The following NBEA variants were observed in gnomAD, a reference collection of about 807,000 sequenced individuals.
The protein encoded by NBEA is lysosomal-trafficking regulator 2.
NBEA carries 44 observed loss-of-function variants against 343.4 expected under a neutral mutation model. The ratio of observed to expected loss-of-function variants is 0.13; its 90% CI spans 0.10 to 0.16. The LOEUF (loss-of-function observed/expected upper bound fraction) is 0.16. Among genes scored for constraint, NBEA ranks in the 10% least tolerant of loss-of-function variants. The pLI is 1.00. For synonymous variants in NBEA, 1,175 were observed against 1,238.7 expected, an observed-to-expected ratio of 0.95 and a Z score of 1.08; for missense variants, 2,555 against 3,631.3, an observed-to-expected ratio of 0.70 and a Z score of 7.62.
Position 35,472,530 on chromosome 13 carries a change from C to A in NBEA, c.6579C>A (p.Asp2193Glu). Residue 2193 changes from aspartate to glutamate, a missense_variant, in exon 41 of 59, where the codon GAC (aspartate) becomes GAA (glutamate). Physicochemically the swap from Asp to Glu is conservative, Grantham distance 45. Coordinates refer to ENST00000379939, the MANE Select transcript of NBEA (RefSeq NM_001385012.1). ...DEDDSAFKKIDTKVLAYTEGL... is the reference protein window; with the variant it reads ...DEDDSAFKKIETKVLAYTEGL... ...ATGATTCTGCCTTCAAGAAGATCGA[C>A]ACGAAAGTGAGTTAAAGCGATTCCA... The A allele has an allele frequency of 6.2e-7, 1 of 1,614,014 alleles. No homozygotes were observed. Among genetic ancestry groups the A allele is most frequent in the Non-Finnish European group, 8.5e-7 (1 of 1,179,888 alleles).
chr13:35,458,185 T>C (rs770993926), intron 40 of NBEA, among the ~76,000 whole-genome samples: 3 of 152,232 alleles, frequency 2.0e-5, no homozygotes, highest in Non-Finnish European at 4.4e-5. Flanking sequence ...ATCAGCGGCA[T>C]GTGAGGGTTT....
intron 38 of NBEA, among the ~76,000 whole-genome samples, chr13:35,401,092 G>A (rs376806309): frequency 9.2e-5 from 14 of 151,660 alleles, no homozygotes; most frequent in African/African-American, 2.9e-4. Context: ...TTATCTATTT[G>A]TTCTCCTTTC....
chr13:35,315,707 C>G (rs909694037), intron 36 of NBEA, among the ~76,000 whole-genome samples: 4 of 151,868 alleles, frequency 2.6e-5, no homozygotes, highest in Non-Finnish European at 5.9e-5. Context: ...TTTGTTTTGT[C>G]CTTTAGAATA....
chr13:35,347,938 G>A (rs1451652392), intron 36 of NBEA, among the ~76,000 whole-genome samples: 1 of 151,994 alleles, frequency 6.6e-6, no homozygotes, highest in Non-Finnish European at 1.5e-5. Context: ...TCTCAGGGGA[G>A]CAACAGACTC....
At chr13:35,072,288 G>A (rs2063905818) in intron 10 of NBEA, among the ~76,000 whole-genome samples, 2 of 151,790 alleles carry the variant, frequency 1.3e-5, no homozygotes, top group Non-Finnish European at 2.9e-5. Context: ...AAATCTTACT[G>A]CTAAAACCAT....
intron 33 of NBEA, among the ~76,000 whole-genome samples, chr13:35,213,938 C>T (rs891708950): frequency 2.0e-5 from 3 of 151,882 alleles, no homozygotes; most frequent in African/African-American, 7.2e-5. Context: ...CACTGAAGTG[C>T]TTTTTAACAT....
At chr13:35,189,389 G>T (rs1230715456) in intron 30 of NBEA, among the ~76,000 whole-genome samples, 1 of 151,994 alleles carries the variant, frequency 6.6e-6, no homozygotes, top group African/African-American at 2.4e-5. Flanking sequence ...TGGGTTATTT[G>T]TTTTGTTGCT....
At chr13:35,173,671 C>T in intron 27 of NBEA, 77 bp downstream of exon 27, 1 of 1,416,426 alleles carries the variant, frequency 7.1e-7, no homozygotes, top group Non-Finnish European at 9.6e-7. Context: ...AACAAAGTGC[C>T]ATGGTATTGC....
intron 34 of NBEA, among the ~76,000 whole-genome samples, chr13:35,240,612 T>TG (rs2030084816): frequency 6.6e-6 from 1 of 151,776 alleles, no homozygotes; most frequent in South Asian, 2.1e-4. Flanking sequence ...ATAAATTACA[T>TG]GGGGAAAAGA....
At chr13:35,373,858 C>G (rs776620423) in intron 38 of NBEA, among the ~76,000 whole-genome samples, 15 of 151,926 alleles carry the variant, frequency 9.9e-5, no homozygotes, top group Non-Finnish European at 1.6e-4. Context: ...AGGGGTTGGT[C>G]TTGCTGTCTC....
At position 35,157,168 on chromosome 13, in the gene NBEA, A is replaced by G. The variant is rs1259910675; in HGVS notation, c.2742A>G (p.Glu914=). The G allele has an allele frequency of 1.9e-6, 3 of 1,610,402 alleles. No individual in the cohort carries two copies. In the East Asian group the frequency reaches 6.7e-5, roughly 36 times the overall value. ...ATTCTGAGGAACAGAAGATTACCGA[A>G]ATGGTCTACAATATCTTCCGGATTC... ...PKNSEEQKIT[E]MVYNIFRILL... is the part of the protein sequence containing the mutation. Residue 914 remains glutamate (E), a synonymous_variant, in exon 21 of 59, where the codon GAA becomes GAG. Coordinates refer to ENST00000379939, the MANE Select transcript of NBEA (RefSeq NM_001385012.1).
At chr13:35,264,716 T>G (rs2033518192) in intron 34 of NBEA, among the ~76,000 whole-genome samples, 1 of 151,836 alleles carries the variant, frequency 6.6e-6, no homozygotes, top group African/African-American at 2.4e-5. Flanking sequence ...TGATAGAAAG[T>G]CTCTACAACT....
Position 34,958,332 on chromosome 13 carries a change from T to G in NBEA, c.294+15218T>G, listed in dbSNP as rs370984145. Among the ~76,000 whole-genome samples the G allele has an allele frequency of 3.9e-5, 6 of 152,094 alleles. No individual in the cohort carries two copies. In the East Asian group the frequency reaches 9.6e-4, roughly 24 times the overall value. Reference sequence around the variant, plus strand: ...AACTATAATAGTCACTTGTCCTTTATCTTTGGAGCAAAAACGATTCATTTT... The same window carrying G: ...AACTATAATAGTCACTTGTCCTTTAGCTTTGGAGCAAAAACGATTCATTTT... On this transcript the variant is annotated intron_variant, in intron 1 of 58. Transcript: ENST00000379939.
chr13:35,614,807 T>C (rs1410981017), intron 48 of NBEA, among the ~76,000 whole-genome samples: 1 of 152,172 alleles, frequency 6.6e-6, no homozygotes, highest in Non-Finnish European at 1.5e-5. Context: ...TCTTTCCTCA[T>C]TCCAAGACTT....
chr13:34,992,236 GTGTATATATATA>G (rs986568042), intron 1 of NBEA, among the ~76,000 whole-genome samples: 18 of 101,058 alleles, frequency 1.8e-4, no homozygotes, highest in African/African-American at 5.7e-4. Flanking sequence ...GTGTGTGTGT[GTGTATATATATA>G]TATATATATA....
chr13:35,449,778 A>G (rs1300771654), intron 39 of NBEA, among the ~76,000 whole-genome samples: 3 of 152,228 alleles, frequency 2.0e-5, no homozygotes, highest in African/African-American at 7.2e-5. Context: ...TGGAAGAAAA[A>G]TACACATGGA....
chr13:35,506,971 G>A (rs4500590), intron 41 of NBEA, among the ~76,000 whole-genome samples: 36,347 of 151,762 alleles, frequency 0.24, 4,805 homozygotes, highest in East Asian at 0.58. Flanking sequence ...TCCCCTTCTG[G>A]CTACTGTCCC....
chr13:35,479,375 G>A (rs1190323668), intron 41 of NBEA, among the ~76,000 whole-genome samples: 2 of 152,150 alleles, frequency 1.3e-5, no homozygotes, highest in Admixed American at 6.5e-5. Flanking sequence ...CTGAACACGT[G>A]AAATGAATTG....
chr13:35,460,095 T>C (rs1443458742), intron 40 of NBEA, among the ~76,000 whole-genome samples: 1 of 152,218 alleles, frequency 6.6e-6, no homozygotes, highest in Non-Finnish European at 1.5e-5. Context: ...CTAGAAGTTA[T>C]TCAACCTGAT....
Sources: allele counts gnomAD v4.1 joint callset (sites outside exome capture counted in the v4.1 genomes callset), GRCh38; gene constraint gnomAD v4.1.1; transcripts MANE v1.5; gene names NCBI Gene and HGNC (gene_info 2026-07-23, HGNC 2026-07-21).